CA2: variants seen among roughly 807,000 people sequenced by gnomAD.
The protein encoded by CA2 is carbonic anhydrase 2.
In CA2, 23 loss-of-function variants were observed where a neutral mutation model predicts 27.8. That is an observed-to-expected ratio of 0.83 (90% CI 0.59 to 1.17). CA2 has a LOEUF of 1.17. Among genes scored for constraint, CA2 ranks in the 50% most tolerant of loss-of-function variants. The pLI, the probability that CA2 is intolerant of heterozygous loss-of-function variation, is 0.00. For missense variants in CA2, 300 were observed against 314.7 expected (o/e 0.95, Z 0.35); for synonymous variants, 99 against 114.9 (o/e 0.86, Z 0.88).
At chr8:85,480,602 A>G in intron 6 of CA2, 68 bp from the exon 7 acceptor site, 3 of 1,504,540 alleles carry the variant, frequency 2.0e-6, no homozygotes, top group Non-Finnish European at 2.8e-6. Flanking sequence ...ATTTAAAGAT[A>G]TAACACAAGT....
At position 85,480,978 on chromosome 8, in the gene CA2, T is replaced by C. The variant is rs550669487; in HGVS notation, c.*189T>C. On this transcript the variant is annotated 3_prime_UTR_variant, in exon 7 of 7. Coordinates refer to ENST00000285379, the MANE Select transcript of CA2 (RefSeq NM_000067.3). ...CAATTGTCATGCTTGACACAACTGCTGTGGCTGGTTGGTGCTTTGTTTATG... is the reference window on the plus strand; with the variant it reads ...CAATTGTCATGCTTGACACAACTGCCGTGGCTGGTTGGTGCTTTGTTTATG... 7 of 614,728 alleles carry C rather than the reference T, an allele frequency of 1.1e-5. No homozygotes were observed. In the East Asian group the frequency reaches 2.1e-4, roughly 18 times the overall value. The allele number at this position is 614,728 out of a possible 1,614,324, so 38.1% of individuals were successfully genotyped here.
In CA2 at chr8:85,477,384, T is replaced by A. The variant is rs1811818952; in HGVS notation, c.663+109T>A. ...TGAGATTTAATCCTTCTCCTGCTAC[T>A]TCTTGCTATGGAAATAGTGCCTTTG... On this transcript the variant is annotated intron_variant, in intron 6 of 6. Transcript: ENST00000285379. 2.4e-6 allele frequency: 3 copies of A among 1,244,528 alleles called. No individual in the cohort carries two copies. The South Asian group carries it at 3.6e-5, about 15-fold the overall frequency. 77.1% of individuals were successfully genotyped at this position (1,244,528 alleles called of 1,614,324 possible).
chr8:85,477,067 C>T, intron 5 of CA2, 53 bp from the exon 6 acceptor site: 1 of 1,590,004 alleles, frequency 6.3e-7, no homozygotes, highest in African/African-American at 1.3e-5. Flanking sequence ...CTCCTACCTT[C>T]CTCCTACTCT....
intron 2 of CA2, among the ~76,000 whole-genome samples, chr8:85,466,105 G>A (rs1811625051): frequency 7.0e-6 from 1 of 143,318 alleles, no homozygotes; most frequent in Non-Finnish European, 1.5e-5. Flanking sequence ...TGGTAATAGA[G>A]CTGTTTACAG....
In CA2 at chr8:85,480,426, T is replaced by TG. The variant is rs201610185; in HGVS notation, c.664-244_664-243insG. ...GGTGCTCTACCACGCCTGTTTAATTTTTGTGTGTGTGTGTGTGTGTTTTTT... is the reference window on the plus strand; with the variant it reads ...GGTGCTCTACCACGCCTGTTTAATTTGTTGTGTGTGTGTGTGTGTGTTTTTT... On this transcript the variant is annotated intron_variant, in intron 6 of 6. Transcript: ENST00000285379. 0.017 allele frequency among the ~76,000 whole-genome samples: 2,305 copies of TG among 136,978 alleles called. 67 individuals are homozygous for TG. The highest frequency in any genetic ancestry group is 0.065 in the African/African-American group (2,203 of 33,876). The allele number at this position is 136,978 out of a possible 152,430, so 89.9% of individuals were successfully genotyped here. A position where few individuals can be genotyped will look rare whatever the true frequency, so the allele number is the denominator to read the frequency against.
chr8:85,465,551 G>A (rs1215715204), intron 2 of CA2, 82 bp downstream of exon 2: 2 of 1,089,700 alleles, frequency 1.8e-6, no homozygotes, highest in Non-Finnish European at 2.7e-6. Context: ...AACAGTGGCA[G>A]GAACCCTCTT....
intron 4 of CA2, 81 bp from the exon 5 acceptor site, chr8:85,475,717 A>G (rs935129092): frequency 8.5e-6 from 11 of 1,288,078 alleles, no homozygotes; most frequent in Non-Finnish European, 1.2e-5. Context: ...GATGTTTTCT[A>G]ATAGAGCTAC....
chr8:85,471,900 G>A (rs1300369196), intron 2 of CA2, among the ~76,000 whole-genome samples: 4 of 152,080 alleles, frequency 2.6e-5, no homozygotes, highest in Non-Finnish European at 5.9e-5. Flanking sequence ...TTGTTTTTGT[G>A]TTCCAAGAGA....
intron 2 of CA2, among the ~76,000 whole-genome samples, chr8:85,472,692 G>A (rs866403282): frequency 6.6e-5 from 10 of 152,038 alleles, no homozygotes; most frequent in African/African-American, 2.4e-4. Flanking sequence ...GGTCAAAGAG[G>A]TTTAATAAAA....
rs1331055595 is a variant in CA2 at position 85,464,069 on chromosome 8, C to G, written c.-13C>G. Reference sequence around the variant, plus strand: ...GTGCCGATTCCTGCCCTGCCCCGACCGCCAGCGCGACCATGTCCCATCACT... The same window carrying G: ...GTGCCGATTCCTGCCCTGCCCCGACGGCCAGCGCGACCATGTCCCATCACT... On this transcript the variant is annotated 5_prime_UTR_variant, in exon 1 of 7. Coordinates refer to ENST00000285379, the MANE Select transcript of CA2 (RefSeq NM_000067.3). 2.6e-6 allele frequency: 4 copies of G among 1,547,572 alleles called. No homozygotes were observed. Among genetic ancestry groups the G allele is most frequent in the Non-Finnish European group, 3.5e-6 (4 of 1,149,256 alleles).
At chr8:85,476,586 T>A (rs1406512841) in intron 5 of CA2, among the ~76,000 whole-genome samples, 1 of 152,240 alleles carries the variant, frequency 6.6e-6, no homozygotes, top group Non-Finnish European at 1.5e-5. Context: ...TTATCTTTAG[T>A]TTCCTTTAAC....
chr8:85,479,709 A>G (rs1185262532), intron 6 of CA2, among the ~76,000 whole-genome samples: 1 of 152,210 alleles, frequency 6.6e-6, no homozygotes, highest in African/African-American at 2.4e-5. Flanking sequence ...TGTTAAATGC[A>G]TATATTGGCA....
Position 85,473,720 on chromosome 8 carries a change from C to T in CA2, c.260C>T (p.Thr87Ile). 2 of 1,609,094 alleles carry T rather than the reference C, an allele frequency of 1.2e-6. No homozygotes were observed. The highest frequency in any genetic ancestry group is 2.7e-5 in the African/African-American group (2 of 74,912). ...CTCAAGGGAGGACCCCTGGATGGCA[C>T]TTACAGATTGATTCAGTTTCACTTT... The part of the protein sequence containing the change: ...AVLKGGPLDG[T>I]YRLIQFHFHW... Residue 87 changes from threonine to isoleucine, a missense_variant, in exon 3 of 7, where the codon ACT (threonine) becomes ATT (isoleucine). Physicochemically the swap from Thr to Ile is moderately conservative, Grantham distance 89. Transcript: ENST00000285379.
intron 1 of CA2, chr8:85,464,527 C>T (rs1380134393): frequency 1.3e-5 from 2 of 155,436 alleles, no homozygotes; most frequent in Non-Finnish European, 2.7e-5. Context: ...AAGAGACTCC[C>T]CTCCCCCCTC....
At chr8:85,472,549 G>A (rs376154192) in intron 2 of CA2, among the ~76,000 whole-genome samples, 8 of 152,104 alleles carry the variant, frequency 5.3e-5, no homozygotes, top group Admixed American at 2.0e-4. Context: ...TAGTAGAATC[G>A]TGGAATAGTT....
Position 85,480,860 on chromosome 8 carries a change from T to G in CA2, c.*71T>G, listed in dbSNP as rs981347265. On this transcript the variant is annotated 3_prime_UTR_variant, in exon 7 of 7. Coordinates refer to ENST00000285379, the MANE Select transcript of CA2 (RefSeq NM_000067.3). ...CCCTTTAGCTAAGCACAGATCTACC[T>G]TGGTGATTTGGACCCTGGTTGCTTT... 54 of 1,534,140 alleles carry G rather than the reference T, an allele frequency of 3.5e-5. No homozygotes were observed. Among genetic ancestry groups the G allele is most frequent in the Non-Finnish European group, 4.4e-5 (49 of 1,111,206 alleles).
intron 2 of CA2, among the ~76,000 whole-genome samples, chr8:85,468,003 G>T (rs1032387483): frequency 4.7e-4 from 72 of 152,314 alleles, no homozygotes; most frequent in African/African-American, 1.7e-3. Context: ...TCCCTCTCCT[G>T]TTCCCCGGAG....
intron 5 of CA2, 102 bp from the exon 6 acceptor site, chr8:85,477,018 G>T: frequency 2.8e-6 from 3 of 1,087,092 alleles, no homozygotes; most frequent in East Asian, 2.4e-5. Context: ...AAGTGTTTTT[G>T]ACCATCAGAG....
At chr8:85,475,225 A>T (rs1273570337) in intron 4 of CA2, among the ~76,000 whole-genome samples, 2 of 151,932 alleles carry the variant, frequency 1.3e-5, no homozygotes, top group East Asian at 3.9e-4. Context: ...ACACAAAATT[A>T]GCTGGGCATG....
Sources: allele counts gnomAD v4.1 joint callset (sites outside exome capture counted in the v4.1 genomes callset), GRCh38; gene constraint gnomAD v4.1.1; transcripts MANE v1.5; gene names NCBI Gene and HGNC (gene_info 2026-07-23, HGNC 2026-07-21).